Variants in CNTNAP5 observed in about 807,000 individuals in gnomAD.
CNTNAP5 encodes contactin-associated protein-like 5.
CNTNAP5 carries 72 observed loss-of-function variants against 150.2 expected under a neutral mutation model. The observed-to-expected ratio is 0.48, with a 90% CI of 0.40 to 0.58. The LOEUF (loss-of-function observed/expected upper bound fraction) is 0.58. CNTNAP5 is among the 20% of genes least tolerant of loss of function. The pLI is 0.00. For synonymous variants in CNTNAP5, 672 were observed against 619.8 expected (o/e 1.08, Z -1.25); for missense variants, 1,636 against 1,626.2 (o/e 1.01, Z -0.10).
rs1394628703 is a variant in CNTNAP5 at position 124,908,285 on chromosome 2, A to G, written c.3656-3182A>G. Among the ~76,000 whole-genome samples the G allele has an allele frequency of 5.3e-5, 8 of 152,040 alleles. No individual in the cohort carries two copies. In the East Asian group the frequency reaches 1.6e-3, roughly 30 times the overall value. On this transcript the variant is annotated intron_variant, in intron 22 of 23. Transcript: ENST00000682447. Reference sequence around the variant, plus strand: ...ACTCAGGAAGCTGAGGCAGGAGAGTAGCTTGAACCTGGGAGGCAGAGGTTG... The same window carrying G: ...ACTCAGGAAGCTGAGGCAGGAGAGTGGCTTGAACCTGGGAGGCAGAGGTTG...
intron 6 of CNTNAP5, among the ~76,000 whole-genome samples, chr2:124,449,956 A>T (rs1341245506): frequency 6.6e-6 from 1 of 152,148 alleles, no homozygotes; most frequent in African/African-American, 2.4e-5. Context: ...CTGGCTGTGT[A>T]AACCTGGGAA....
At chr2:124,539,288 G>C (rs186600377) in intron 10 of CNTNAP5, among the ~76,000 whole-genome samples, 1 of 152,266 alleles carries the variant, frequency 6.6e-6, no homozygotes, top group African/African-American at 2.4e-5. Context: ...TTGTGGGTTT[G>C]ATTGTGACAT....
At chr2:124,319,355 G>T (rs1393228119) in intron 3 of CNTNAP5, among the ~76,000 whole-genome samples, 1 of 152,156 alleles carries the variant, frequency 6.6e-6, no homozygotes, top group Non-Finnish European at 1.5e-5. Flanking sequence ...TTAATGAAGG[G>T]TCTCTCATTC....
chr2:124,115,351 G>A (rs1683400123), intron 1 of CNTNAP5, among the ~76,000 whole-genome samples: 1 of 152,020 alleles, frequency 6.6e-6, no homozygotes, highest in East Asian at 1.9e-4. Context: ...ACCAGGCTTA[G>A]GAATTTCGGA....
intron 17 of CNTNAP5, among the ~76,000 whole-genome samples, chr2:124,785,002 A>G (rs1681532402): frequency 7.1e-6 from 1 of 140,316 alleles, no homozygotes; most frequent in Non-Finnish European, 1.5e-5. Flanking sequence ...AACCAGAGGC[A>G]TTGCTCTGGT....
At chr2:124,635,151 T>C (rs1013757631) in intron 12 of CNTNAP5, among the ~76,000 whole-genome samples, 2 of 152,168 alleles carry the variant, frequency 1.3e-5, no homozygotes, top group African/African-American at 2.4e-5. Flanking sequence ...ACAGGAAGTA[T>C]GATGGCTTCT....
chr2:124,613,095 C>T (rs978108027), intron 12 of CNTNAP5, among the ~76,000 whole-genome samples: 1 of 152,136 alleles, frequency 6.6e-6, no homozygotes, highest in African/African-American at 2.4e-5. Context: ...AAGCAAAGCT[C>T]TGTGTAGGCT....
chr2:124,705,010 T>C (rs1239390461), intron 13 of CNTNAP5, among the ~76,000 whole-genome samples: 1 of 151,998 alleles, frequency 6.6e-6, no homozygotes, highest in African/African-American at 2.4e-5. Flanking sequence ...CCAATCTCCC[T>C]CAGTGTCTCC....
At chr2:124,706,797 G>GAAGAAGAAGAAT (rs1558743005) in intron 13 of CNTNAP5, among the ~76,000 whole-genome samples, 1 of 10,998 alleles carries the variant, frequency 9.1e-5, no homozygotes. Context: ...AGAAGAAGAA[G>GAAGAAGAAGAAT]GAGGAGGAGG....
intron 1 of CNTNAP5, among the ~76,000 whole-genome samples, chr2:124,157,483 T>C (rs1271654674): frequency 6.6e-6 from 1 of 152,188 alleles, no homozygotes; most frequent in Non-Finnish European, 1.5e-5. Context: ...TATGTTTCTT[T>C]TTCAGTATTC....
intron 19 of CNTNAP5, among the ~76,000 whole-genome samples, chr2:124,838,919 A>G (rs2104690137): frequency 6.6e-6 from 1 of 152,264 alleles, no homozygotes. Flanking sequence ...TGAAGATACA[A>G]AGATGAATCA....
At chr2:124,467,390 G>A (rs1452488130) in intron 6 of CNTNAP5, among the ~76,000 whole-genome samples, 1 of 151,818 alleles carries the variant, frequency 6.6e-6, no homozygotes, top group African/African-American at 2.4e-5. Context: ...AGACTAGCTT[G>A]AGGATGATCA....
At chr2:124,820,471 A>G (rs63679061) in intron 19 of CNTNAP5, among the ~76,000 whole-genome samples, 25 of 132,420 alleles carry the variant, frequency 1.9e-4, no homozygotes, top group African/African-American at 4.3e-4. Context: ...AAGGAAGGGG[A>G]AAAAAAAAAC....
intron 1 of CNTNAP5, among the ~76,000 whole-genome samples, chr2:124,164,682 G>A (rs80334438): frequency 1.3e-5 from 2 of 152,280 alleles, no homozygotes; most frequent in South Asian, 2.1e-4. Flanking sequence ...CAGAAAGGGA[G>A]AAGAGAGAGG....
intron 4 of CNTNAP5, among the ~76,000 whole-genome samples, chr2:124,419,957 C>CCTT (rs1692050817): frequency 3.5e-4 from 6 of 16,952 alleles, no homozygotes; most frequent in South Asian, 5.3e-3. Flanking sequence ...TCTTTCTTTC[C>CCTT]TTTTCTCTCT....
intron 1 of CNTNAP5, among the ~76,000 whole-genome samples, chr2:124,206,675 G>C (rs948877840): frequency 1.3e-5 from 2 of 152,208 alleles, no homozygotes; most frequent in African/African-American, 4.8e-5. Flanking sequence ...AGCGGCATCA[G>C]AGGCACCTAG....
At chr2:124,757,057 G>A (rs890197508) in intron 14 of CNTNAP5, among the ~76,000 whole-genome samples, 3 of 152,176 alleles carry the variant, frequency 2.0e-5, no homozygotes, top group African/African-American at 7.2e-5. Context: ...CAAACTTCGA[G>A]TGGAGTAAGG....
chr2:124,146,164 G>A (rs191784230), intron 1 of CNTNAP5, among the ~76,000 whole-genome samples: 15 of 152,250 alleles, frequency 9.9e-5, no homozygotes, highest in Non-Finnish European at 1.9e-4. Flanking sequence ...GGCGGCAGTC[G>A]TCCTGACACT....
intron 1 of CNTNAP5, among the ~76,000 whole-genome samples, chr2:124,044,190 A>T (rs1486807496): frequency 1.3e-5 from 2 of 152,198 alleles, no homozygotes; most frequent in African/African-American, 4.8e-5. Context: ...GGTGTGCCAG[A>T]TCTTATCATT....
Sources: allele counts gnomAD v4.1 joint callset (sites outside exome capture counted in the v4.1 genomes callset), GRCh38; gene constraint gnomAD v4.1.1; transcripts MANE v1.5; gene names NCBI Gene and HGNC (gene_info 2026-07-23, HGNC 2026-07-21).